CEP95: variants seen among roughly 807,000 people sequenced by gnomAD.
CEP95 encodes the protein centrosomal protein of 95 kDa.
A neutral mutation model predicts 111.2 loss-of-function variants in CEP95; 98 were observed. The ratio of observed to expected loss-of-function variants is 0.88; its 90% CI spans 0.75 to 1.04. CEP95 has a LOEUF of 1.04. Among genes scored for constraint, CEP95 ranks in the 50% least tolerant of loss-of-function variants. The pLI is 0.00. For synonymous variants in CEP95, 323 were observed against 327.1 expected, an observed-to-expected ratio of 0.99 and a Z score of 0.14; for missense variants, 1,027 against 977.2, an observed-to-expected ratio of 1.05 and a Z score of -0.68.
At chr17:64,526,268 A>G (rs1568145030) in intron 10 of CEP95, 68 bp downstream of exon 10, 1 of 1,427,076 alleles carries the variant, frequency 7.0e-7, no homozygotes, top group Non-Finnish European at 9.4e-7. Flanking sequence ...TAATCTCTCA[A>G]TTGAAAGTGA....
intron 11 of CEP95, among the ~76,000 whole-genome samples, chr17:64,528,950 G>A (rs1177689773): frequency 6.6e-6 from 1 of 152,160 alleles, no homozygotes; most frequent in Non-Finnish European, 1.5e-5. Flanking sequence ...ATAGGTAAAA[G>A]GATAGCAGAT....
At chr17:64,526,734 G>T (rs1555679207) in intron 10 of CEP95, among the ~76,000 whole-genome samples, 1 of 152,160 alleles carries the variant, frequency 6.6e-6, no homozygotes, top group Admixed American at 6.6e-5. Context: ...GCTGAGGCAG[G>T]TGGATCACTT....
At chr17:64,517,227 A>C (rs1240831656) in intron 5 of CEP95, among the ~76,000 whole-genome samples, 2 of 151,798 alleles carry the variant, frequency 1.3e-5, no homozygotes, top group Non-Finnish European at 2.9e-5. Context: ...TTATATTTTT[A>C]GTAGAGATGG....
rs952415482 is a variant in CEP95 at position 64,537,012 on chromosome 17, A to G, written c.2218-29A>G. 9.6e-6 allele frequency: 15 copies of G among 1,570,110 alleles called. No homozygotes were observed. The African/African-American group carries it at 1.8e-4, about 19-fold the overall frequency. On this transcript the variant is annotated intron_variant, in intron 18 of 19. Coordinates refer to ENST00000556440, the MANE Select transcript of CEP95 (RefSeq NM_138363.3). ...ATTTGGACTACAAACATTAAATATA[A>G]TATTTGTTTTTTTTCTTCCTATAAA...
chr17:64,526,236 A>G (rs374163152), intron 10 of CEP95, 36 bp downstream of exon 10: 24 of 1,583,708 alleles, frequency 1.5e-5, no homozygotes, highest in Non-Finnish European at 1.8e-5. Context: ...TGAGATTCCC[A>G]TGGGTTAAGT....
intron 4 of CEP95, among the ~76,000 whole-genome samples, chr17:64,515,239 G>C (rs2039081853): frequency 6.6e-6 from 1 of 152,140 alleles, no homozygotes; most frequent in Non-Finnish European, 1.5e-5. Flanking sequence ...ACCTGTACTT[G>C]AGTCAGGGAG....
chr17:64,523,337 A>C (rs183302738), intron 8 of CEP95, among the ~76,000 whole-genome samples: 112 of 152,290 alleles, frequency 7.4e-4, no homozygotes, highest in African/African-American at 2.5e-3. Context: ...CAGCAATTAC[A>C]GAGTCAGGAT....
intron 8 of CEP95, among the ~76,000 whole-genome samples, chr17:64,523,858 A>G (rs1390234979): frequency 3.3e-5 from 5 of 152,206 alleles, no homozygotes; most frequent in African/African-American, 1.2e-4. Context: ...ACACCACTGC[A>G]TTCCAGCCTG....
chr17:64,507,919 C>T (rs1256610158), intron 1 of CEP95: 2 of 985,370 alleles, frequency 2.0e-6, no homozygotes, highest in Non-Finnish European at 1.2e-6. Context: ...TTGCAAATCC[C>T]AGCAATATCT....
chr17:64,533,311 T>C, intron 16 of CEP95, 120 bp downstream of exon 16: 2 of 825,400 alleles, frequency 2.4e-6, no homozygotes, highest in African/African-American at 1.7e-5. Context: ...CATGTGGAAG[T>C]GTTGCCTAGG....
At chr17:64,527,986 C>T (rs1316375454) in intron 11 of CEP95, among the ~76,000 whole-genome samples, 2 of 151,604 alleles carry the variant, frequency 1.3e-5, no homozygotes, top group Non-Finnish European at 2.9e-5. Flanking sequence ...CTGCAATGAA[C>T]AGCCTAGAAT....
At chr17:64,508,272 T>C (rs995145102) in intron 1 of CEP95, 3 of 986,442 alleles carry the variant, frequency 3.0e-6, no homozygotes, top group Non-Finnish European at 1.2e-6. Flanking sequence ...CTTGTAAATA[T>C]GTTTTAACTA....
chr17:64,525,155 A>G (rs1473119347), intron 8 of CEP95, among the ~76,000 whole-genome samples: 1 of 152,044 alleles, frequency 6.6e-6, no homozygotes, highest in Admixed American at 6.6e-5. Context: ...AGCCTGGCCA[A>G]CATGCGAAAC....
Position 64,527,294 on chromosome 17 carries a change from G to T in CEP95, c.1306+30G>T, listed in dbSNP as rs1178176405. 1.9e-6 allele frequency: 3 copies of T among 1,560,786 alleles called. No individual in the cohort carries two copies. In the African/African-American group the frequency reaches 4.1e-5, roughly 21 times the overall value. On this transcript the variant is annotated intron_variant, in intron 11 of 19. Coordinates refer to ENST00000556440, the MANE Select transcript of CEP95 (RefSeq NM_138363.3). ...TTACCCCAGAGAGACTGAGAAGGGG[G>T]ACATCCATGTGAACTACTTAGGCAG...
intron 5 of CEP95, among the ~76,000 whole-genome samples, chr17:64,518,532 A>G (rs977439301): frequency 1.3e-5 from 2 of 152,194 alleles, no homozygotes; most frequent in African/African-American, 2.4e-5. Context: ...ACAAAAATGT[A>G]TTGTCATGAC....
At position 64,525,749 on chromosome 17, in the gene CEP95, C is replaced by CTTTT. The variant is rs528883278; in HGVS notation, c.910-17_910-14dup. 282 of 1,519,472 alleles carry CTTTT rather than the reference C, an allele frequency of 1.9e-4. No homozygotes were observed. In the African/African-American group the frequency reaches 3.0e-3, roughly 16 times the overall value. 94.1% of individuals were successfully genotyped at this position (1,519,472 alleles called of 1,614,324 possible). A position where few individuals can be genotyped will look rare whatever the true frequency, so the allele number is the denominator to read the frequency against. ...CTTATTTGTAGCTTTTTCAAATCAA[C>CTTTT]TTTTTTTCTGTTTTTAATAGGATCT... On this transcript the variant is annotated intron_variant, in intron 8 of 19. Coordinates refer to ENST00000556440, the MANE Select transcript of CEP95 (RefSeq NM_138363.3).
chr17:64,533,016 A>C lies in CEP95; in HGVS notation c.1842+8A>C. The C allele has an allele frequency of 1.2e-6, 2 of 1,611,158 alleles. No homozygotes were observed. The highest frequency in any genetic ancestry group is 1.7e-6 in the Non-Finnish European group (2 of 1,179,162). On this transcript the variant is annotated splice_region_variant and intron_variant, in intron 15 of 19. Coordinates refer to ENST00000556440, the MANE Select transcript of CEP95 (RefSeq NM_138363.3). ...AAGAAACTCCAAGATGAAGTAAGTT[A>C]CTGTCAGTCTTAAGCATAGGAATTT...
intron 1 of CEP95, 38 bp from the exon 2 acceptor site, chr17:64,508,554 G>A: frequency 7.5e-7 from 1 of 1,324,564 alleles, no homozygotes; most frequent in Non-Finnish European, 9.8e-7. Flanking sequence ...TTTTTCTGGT[G>A]GTTTTTAAGA....
chr17:64,536,459 G>C (rs981650252), intron 17 of CEP95, 143 bp from the exon 18 acceptor site: 2 of 558,422 alleles, frequency 3.6e-6, no homozygotes, highest in African/African-American at 3.9e-5. Context: ...AGAAAAAGGA[G>C]GTACATTTTA....
Sources: gnomAD v4.1 joint callset for allele counts (sites outside exome capture counted in the v4.1 genomes callset) on GRCh38, gnomAD v4.1.1 for gene constraint, MANE v1.5 for transcripts, NCBI Gene and HGNC (gene_info 2026-07-23, HGNC 2026-07-21) for gene names.